WWOX: variants seen among roughly 807,000 people sequenced by gnomAD.
The protein encoded by WWOX is WW domain containing oxidoreductase, also known as WW domain-containing oxidoreductase.
A neutral mutation model predicts 46.2 loss-of-function variants in WWOX; 69 were observed. The ratio of observed to expected loss-of-function variants is 1.49; its 90% CI spans 1.23 to 1.82. The LOEUF (loss-of-function observed/expected upper bound fraction) is 1.82, where lower values mean the gene tolerates loss of function less well. WWOX is among the 40% of genes most tolerant of loss of function. WWOX has a pLI of 0.00. For missense variants in WWOX, 919 were observed against 542.6 expected (o/e 1.69, Z -6.89); for synonymous variants, 359 against 202.6 (o/e 1.77, Z -6.56).
chr16:78,340,723 A>G (rs962179448), intron 5 of WWOX, among the ~76,000 whole-genome samples: 2 of 118,640 alleles, frequency 1.7e-5, no homozygotes, highest in African/African-American at 2.9e-5. Context: ...ATCCCACAGA[A>G]GGATCTTCTT....
At chr16:78,113,618 G>C (rs986173526) in intron 3 of WWOX, among the ~76,000 whole-genome samples, 7 of 152,080 alleles carry the variant, frequency 4.6e-5, no homozygotes, top group Non-Finnish European at 1.0e-4. Flanking sequence ...TAAATGTTTA[G>C]CACCAGGTCT....
chr16:78,161,271 T>C (rs1218439736), intron 4 of WWOX, among the ~76,000 whole-genome samples: 1 of 152,226 alleles, frequency 6.6e-6, no homozygotes, highest in Non-Finnish European at 1.5e-5. Flanking sequence ...CTTTAGGCCA[T>C]TTATATTTAA....
At chr16:79,095,932 C>G (rs1597371755) in intron 8 of WWOX, among the ~76,000 whole-genome samples, 1 of 149,044 alleles carries the variant, frequency 6.7e-6, no homozygotes, top group East Asian at 2.0e-4. Flanking sequence ...TCACTGCAAC[C>G]TCTGCCTCCC....
At position 78,998,429 on chromosome 16, in the gene WWOX, A is replaced by T. The variant is rs1380206209; in HGVS notation, c.1057-213179A>T. On this transcript the variant is annotated intron_variant, in intron 8 of 8. Transcript: ENST00000566780. The stretch of plus-strand genomic sequence containing the variant: ...GAAGATGCTCCACATGTGTTTGTAG[A>T]AGGAACTTGGAAGACAGTCAGTTTT... 2.0e-5 allele frequency among the ~76,000 whole-genome samples: 3 copies of T among 152,104 alleles called. No individual in the cohort carries two copies. The East Asian group carries it at 5.8e-4, about 29-fold the overall frequency.
Position 78,406,663 on chromosome 16 carries a change from G to C in WWOX, c.606-18207G>C, listed in dbSNP as rs186085711. ...TTTTTGAGAGATGGAGTGTCACTCT[G>C]TTGCCGAGGCTGGAGTGTAGTGGCG... is the stretch of plus-strand genomic sequence containing the variant. On this transcript the variant is annotated intron_variant, in intron 6 of 8. Coordinates refer to ENST00000566780, the MANE Select transcript of WWOX (RefSeq NM_016373.4). 4.3e-3 allele frequency among the ~76,000 whole-genome samples: 558 copies of C among 129,626 alleles called. 3 individuals carry two copies. The highest frequency in any genetic ancestry group is 7.8e-3 in the Admixed American group (95 of 12,180). The allele number at this position is 129,626 out of a possible 152,430, so 85.0% of individuals were successfully genotyped here. A position where few individuals can be genotyped will look rare whatever the true frequency, so the allele number is the denominator to read the frequency against.
chr16:78,256,595 T>A (rs934034238), intron 5 of WWOX, among the ~76,000 whole-genome samples: 1 of 151,844 alleles, frequency 6.6e-6, no homozygotes, highest in Non-Finnish European at 1.5e-5. Flanking sequence ...ATTAGCAAAC[T>A]GTCCTTTGCT....
At chr16:78,498,607 G>A (rs1229341207) in intron 8 of WWOX, among the ~76,000 whole-genome samples, 1 of 152,050 alleles carries the variant, frequency 6.6e-6, no homozygotes, top group East Asian at 2.0e-4. Flanking sequence ...GATGTTCATG[G>A]CAAGAAAAAT....
chr16:78,539,306 G>C (rs767770346), intron 8 of WWOX, among the ~76,000 whole-genome samples: 1 of 152,232 alleles, frequency 6.6e-6, no homozygotes, highest in Non-Finnish European at 1.5e-5. Context: ...AAGGAGTCTT[G>C]TGAGGATTAA....
chr16:78,887,373 A>G (rs897569318), intron 8 of WWOX, among the ~76,000 whole-genome samples: 1 of 151,592 alleles, frequency 6.6e-6, no homozygotes, highest in African/African-American at 2.4e-5. Flanking sequence ...ACGTTTTGGA[A>G]TTATTCAGTG....
Position 78,735,849 on chromosome 16 carries a change from C to CTT in WWOX, c.1056+303098_1056+303099insTT, listed in dbSNP as rs879292902. ...TCAGGGGATGCTCCACACCTTTCTG[C>CTT]TCTCTGCAACAGGGCCAGGGATCTG... On this transcript the variant is annotated intron_variant, in intron 8 of 8. Transcript: ENST00000566780. Among the ~76,000 whole-genome samples, 428 of 113,532 alleles carry CTT rather than the reference C, an allele frequency of 3.8e-3. 4 individuals are homozygous for CTT. The highest frequency in any genetic ancestry group is 0.021 in the Middle Eastern group (5 of 236). The allele number at this position is 113,532 out of a possible 152,430, so 74.5% of individuals were successfully genotyped here.
chr16:78,333,668 C>A (rs2080816357), intron 5 of WWOX, among the ~76,000 whole-genome samples: 1 of 152,142 alleles, frequency 6.6e-6, no homozygotes, highest in South Asian at 2.1e-4. Context: ...ATACATACTT[C>A]ATAAGCAGGA....
chr16:78,443,268 G>A (rs1318376287), intron 8 of WWOX, among the ~76,000 whole-genome samples: 1 of 151,726 alleles, frequency 6.6e-6, no homozygotes, highest in Non-Finnish European at 1.5e-5. Flanking sequence ...TCGCATCACT[G>A]CACTCCAGCC....
At chr16:78,457,045 T>C (rs1206934039) in intron 8 of WWOX, among the ~76,000 whole-genome samples, 3 of 152,244 alleles carry the variant, frequency 2.0e-5, no homozygotes, top group Non-Finnish European at 4.4e-5. Context: ...TGTTGAAATG[T>C]CACACAATAT....
intron 8 of WWOX, among the ~76,000 whole-genome samples, chr16:78,501,578 C>T (rs2085070086): frequency 2.6e-5 from 4 of 151,796 alleles, no homozygotes; most frequent in Middle Eastern, 3.4e-3. Flanking sequence ...CCTCTGTCAC[C>T]CAGGCTGGAG....
chr16:78,633,765 G>A (rs2046497634), intron 8 of WWOX, among the ~76,000 whole-genome samples: 1 of 152,198 alleles, frequency 6.6e-6, no homozygotes, highest in Non-Finnish European at 1.5e-5. Context: ...TTCATCAAGA[G>A]GACTCCAGGC....
intron 5 of WWOX, among the ~76,000 whole-genome samples, chr16:78,384,832 C>T (rs1042552992): frequency 6.6e-6 from 1 of 152,168 alleles, no homozygotes; most frequent in African/African-American, 2.4e-5. Flanking sequence ...TTTCTACCAC[C>T]TTTCCTTAAA....
chr16:79,089,986 G>A (rs1037167832), intron 8 of WWOX: 3 of 151,842 alleles, frequency 2.0e-5, no homozygotes, highest in Non-Finnish European at 4.4e-5. Context: ...GGGGGCCGGC[G>A]AGCTTCAGGA....
rs74034998 is a variant in WWOX at position 79,132,603 on chromosome 16, C to T, written c.1057-79005C>T. ...CTCTGTCTGGTTTCTCTGTGTCTCT[C>T]TTTTTCCCTCAAACATCGCTTTTCT... On this transcript the variant is annotated intron_variant, in intron 8 of 8. Transcript: ENST00000566780. Among the ~76,000 whole-genome samples, 994 of 152,210 alleles carry T rather than the reference C, an allele frequency of 6.5e-3. 6 individuals carry two copies. Among genetic ancestry groups the T allele is most frequent in the African/African-American group, 0.023 (942 of 41,514 alleles).
intron 6 of WWOX, among the ~76,000 whole-genome samples, chr16:78,388,330 C>T (rs527488622): frequency 8.5e-5 from 13 of 152,166 alleles, no homozygotes; most frequent in African/African-American, 1.7e-4. Context: ...TGCGCCCAGC[C>T]GCTCTACTTT....
Sources: gnomAD v4.1 joint callset for allele counts (sites outside exome capture counted in the v4.1 genomes callset) on GRCh38, gnomAD v4.1.1 for gene constraint, MANE v1.5 for transcripts, NCBI Gene and HGNC (gene_info 2026-07-23, HGNC 2026-07-21) for gene names.